NKAIN2: variants seen among roughly 807,000 people sequenced by gnomAD.
The protein encoded by NKAIN2 is sodium/potassium transporting ATPase interacting 2.
NKAIN2 carries 14 observed loss-of-function variants against 32.6 expected under a neutral mutation model. The ratio of observed to expected loss-of-function variants is 0.43; its 90% CI spans 0.28 to 0.67. The LOEUF is 0.67. NKAIN2 is among the 30% of genes least tolerant of loss of function. NKAIN2 has a pLI of 0.17. For synonymous variants in NKAIN2, 80 were observed against 87.2 expected, an observed-to-expected ratio of 0.92 and a Z score of 0.46; for missense variants, 198 against 258.3, an observed-to-expected ratio of 0.77 and a Z score of 1.60.
intron 3 of NKAIN2, among the ~76,000 whole-genome samples, chr6:124,609,554 C>T (rs890051697): frequency 3.9e-5 from 6 of 151,994 alleles, no homozygotes; most frequent in Admixed American, 1.3e-4. Flanking sequence ...ATGAGAGTAA[C>T]GAGTGAAGAT....
At chr6:124,448,008 G>A (rs1444782654) in intron 3 of NKAIN2, among the ~76,000 whole-genome samples, 1 of 152,092 alleles carries the variant, frequency 6.6e-6, no homozygotes, top group South Asian at 2.1e-4. Flanking sequence ...TTTCTCTAGA[G>A]CATGGATGTA....
At chr6:124,579,004 T>C (rs962213103) in intron 3 of NKAIN2, among the ~76,000 whole-genome samples, 4 of 152,226 alleles carry the variant, frequency 2.6e-5, no homozygotes, top group Non-Finnish European at 5.9e-5. Context: ...AGCATCTCTA[T>C]GAGTTTGCGC....
intron 1 of NKAIN2, among the ~76,000 whole-genome samples, chr6:124,190,360 G>A (rs2114584408): frequency 6.6e-6 from 1 of 152,320 alleles, no homozygotes; most frequent in Non-Finnish European, 1.5e-5. Context: ...CAAATGAAAA[G>A]TGAGAAATTC....
rs188765199 is a variant in NKAIN2, at chr6:124,023,899, G to T, written c.54+219645G>T. ...TAGAGCTTAGAAGCAGCTTCTGCTAGTAGTGTACTATATGGGATAAGGAAA... is the reference window on the plus strand; with the variant it reads ...TAGAGCTTAGAAGCAGCTTCTGCTATTAGTGTACTATATGGGATAAGGAAA... On this transcript the variant is annotated intron_variant, in intron 1 of 6. Transcript: ENST00000368417. Among the ~76,000 whole-genome samples, 120 of 152,210 alleles carry T rather than the reference G, an allele frequency of 7.9e-4. 1 individual carries two copies. Among genetic ancestry groups the T allele is most frequent in the African/African-American group, 2.8e-3 (118 of 41,568 alleles).
At chr6:124,297,814 T>C (rs185015566) in intron 2 of NKAIN2, among the ~76,000 whole-genome samples, 13 of 152,182 alleles carry the variant, frequency 8.5e-5, no homozygotes, top group African/African-American at 2.7e-4. Flanking sequence ...TTGTTCATAA[T>C]TTAAATCATT....
intron 1 of NKAIN2, among the ~76,000 whole-genome samples, chr6:124,219,962 G>A (rs376163724): frequency 9.9e-5 from 15 of 152,256 alleles, no homozygotes; most frequent in African/African-American, 2.6e-4. Context: ...GTTTCATTTA[G>A]CATTGTTTCA....
At chr6:124,130,691 CTT>C (rs1428390728) in intron 1 of NKAIN2, among the ~76,000 whole-genome samples, 1 of 150,842 alleles carries the variant, frequency 6.6e-6, no homozygotes, top group African/African-American at 2.4e-5. Context: ...CTCGTTTTCA[CTT>C]TGTTTGAATT....
intron 3 of NKAIN2, among the ~76,000 whole-genome samples, chr6:124,469,333 G>A (rs1038052600): frequency 2.6e-5 from 4 of 152,084 alleles, no homozygotes; most frequent in Admixed American, 2.0e-4. Context: ...AACTCAACTA[G>A]CCTTATGAAA....
At chr6:124,758,175 C>T (rs1778053419) in intron 4 of NKAIN2, among the ~76,000 whole-genome samples, 1 of 152,068 alleles carries the variant, frequency 6.6e-6, no homozygotes, top group African/African-American at 2.4e-5. Context: ...TCAGCAGTCC[C>T]AGATCCCTCC....
At chr6:124,482,037 C>T (rs1777472979) in intron 3 of NKAIN2, among the ~76,000 whole-genome samples, 2 of 152,028 alleles carry the variant, frequency 1.3e-5, no homozygotes, top group African/African-American at 2.4e-5. Flanking sequence ...CACTGAAAAA[C>T]CAAAGCAATT....
chr6:124,280,116 C>G (rs1795224689), intron 1 of NKAIN2, among the ~76,000 whole-genome samples: 1 of 152,050 alleles, frequency 6.6e-6, no homozygotes, highest in Non-Finnish European at 1.5e-5. Flanking sequence ...ATGTATTTTG[C>G]TAGGCCAAAT....
At chr6:123,847,994 C>T (rs1228640264) in intron 1 of NKAIN2, among the ~76,000 whole-genome samples, 1 of 152,062 alleles carries the variant, frequency 6.6e-6, no homozygotes, top group Non-Finnish European at 1.5e-5. Flanking sequence ...GTTCTAGCTC[C>T]TAGAGCAGTA....
chr6:124,235,315 C>T (rs1389975617), intron 1 of NKAIN2, among the ~76,000 whole-genome samples: 1 of 152,088 alleles, frequency 6.6e-6, no homozygotes, highest in Non-Finnish European at 1.5e-5. Context: ...AATCTGAATT[C>T]ATGTCTCCAT....
At chr6:123,876,860 C>T (rs1402631854) in intron 1 of NKAIN2, among the ~76,000 whole-genome samples, 2 of 152,154 alleles carry the variant, frequency 1.3e-5, no homozygotes, top group Non-Finnish European at 2.9e-5. Flanking sequence ...ATCTGTGGCC[C>T]AGTCTAGTTG....
rs578176115 is a variant in NKAIN2 at position 124,805,325 on chromosome 6, G to A, written c.536-13062G>A. On this transcript the variant is annotated intron_variant, in intron 5 of 6. Coordinates refer to ENST00000368417, the MANE Select transcript of NKAIN2 (RefSeq NM_001040214.3). ...GAGGAACGATCAGACAGCGGCATTC[G>A]CGGTTCACAAAAAACCACTGTTCTG... is the stretch of plus-strand genomic sequence containing the variant. 9.2e-5 allele frequency among the ~76,000 whole-genome samples: 14 copies of A among 152,192 alleles called. No individual in the cohort carries two copies. In the South Asian group the frequency reaches 2.1e-3, roughly 23 times the overall value.
chr6:123,898,551 G>GTT lies in NKAIN2; in HGVS notation c.54+94313_54+94314dup, dbSNP rs11348160. Among the ~76,000 whole-genome samples, 228 of 131,790 alleles carry GTT rather than the reference G, an allele frequency of 1.7e-3. 1 individual carries two copies. Among genetic ancestry groups the GTT allele is most frequent in the African/African-American group, 5.3e-3 (198 of 37,388 alleles). 86.5% of individuals were successfully genotyped at this position (131,790 alleles called of 152,430 possible). ...GATATCGATTCCTGGCTCCAGGGGTGTTTTTTTTTTTTTTTTTATTTCCTT... is the reference window on the plus strand; with the variant it reads ...GATATCGATTCCTGGCTCCAGGGGTGTTTTTTTTTTTTTTTTTTTATTTCCTT... On this transcript the variant is annotated intron_variant, in intron 1 of 6. Transcript: ENST00000368417.
At chr6:124,813,120 C>A (rs1305112079) in intron 5 of NKAIN2, among the ~76,000 whole-genome samples, 1 of 151,936 alleles carries the variant, frequency 6.6e-6, no homozygotes. Flanking sequence ...ATTTGGTGTC[C>A]TGCATAAATT....
intron 1 of NKAIN2, among the ~76,000 whole-genome samples, chr6:123,897,095 A>G (rs1023995229): frequency 6.6e-6 from 1 of 152,120 alleles, no homozygotes; most frequent in Non-Finnish European, 1.5e-5. Flanking sequence ...AGCCAGTCCT[A>G]AACAATTGTA....
chr6:124,537,207 T>C (rs556616057), intron 3 of NKAIN2, among the ~76,000 whole-genome samples: 1 of 152,252 alleles, frequency 6.6e-6, no homozygotes, highest in East Asian at 1.9e-4. Flanking sequence ...GAAGAAAAAT[T>C]GGAAAATTCT....
Sources: allele counts gnomAD v4.1 joint callset (sites outside exome capture counted in the v4.1 genomes callset), GRCh38; gene constraint gnomAD v4.1.1; transcripts MANE v1.5; gene names NCBI Gene and HGNC (gene_info 2026-07-23, HGNC 2026-07-21).